Variants in SDK1 observed in about 807,000 individuals in gnomAD.
The protein encoded by SDK1 is protein sidekick-1.
SDK1 carries 157 observed loss-of-function variants against 245.5 expected under a neutral mutation model. The observed-to-expected ratio is 0.64, with a 90% CI of 0.56 to 0.73. The LOEUF is 0.73. SDK1 is among the 30% of genes least tolerant of loss of function. The pLI, the probability that SDK1 is intolerant of heterozygous loss-of-function variation, is 0.00. For synonymous variants in SDK1, 1,647 were observed against 1,278.5 expected (o/e 1.29, Z -6.15); for missense variants, 3,583 against 3,002.3 (o/e 1.19, Z -4.52).
At chr7:3,331,146 C>T (rs1025046897) in intron 1 of SDK1, among the ~76,000 whole-genome samples, 30 of 152,064 alleles carry the variant, frequency 2.0e-4, no homozygotes, top group African/African-American at 7.2e-4. Flanking sequence ...CGCCTGTAAT[C>T]CTAGCTACTT....
chr7:4,031,780 A>T (rs1479562858), intron 17 of SDK1, among the ~76,000 whole-genome samples: 3 of 152,042 alleles, frequency 2.0e-5, no homozygotes, highest in African/African-American at 7.2e-5. Flanking sequence ...TTTCCCCAGC[A>T]CTTTGGGAGG....
Position 3,844,581 on chromosome 7 carries a change from G to A in SDK1, c.847+22998G>A, listed in dbSNP as rs146097680. 3.9e-5 allele frequency among the ~76,000 whole-genome samples: 6 copies of A among 152,338 alleles called. No individual in the cohort carries two copies. In the East Asian group the frequency reaches 1.2e-3, roughly 29 times the overall value. Reference sequence around the variant, plus strand: ...AATTTAATGTCTTTTCCAACAGGGAGCTATGAAACTGAATTTTACTACACC... The same window carrying A: ...AATTTAATGTCTTTTCCAACAGGGAACTATGAAACTGAATTTTACTACACC... On this transcript the variant is annotated intron_variant, in intron 5 of 44. Coordinates refer to ENST00000404826, the MANE Select transcript of SDK1 (RefSeq NM_152744.4).
intron 22 of SDK1, among the ~76,000 whole-genome samples, chr7:4,106,810 C>G (rs563793132): frequency 6.6e-6 from 1 of 151,976 alleles, no homozygotes; most frequent in Non-Finnish European, 1.5e-5. Context: ...GGGGGTGGAA[C>G]AGCCCTGAAT....
At chr7:4,000,008 C>T (rs1784956501) in intron 14 of SDK1, among the ~76,000 whole-genome samples, 1 of 152,166 alleles carries the variant, frequency 6.6e-6, no homozygotes, top group Non-Finnish European at 1.5e-5. Context: ...CAAGATTAAC[C>T]TGGCAGTGGC....
At chr7:3,940,706 A>T (rs1583594536) in intron 5 of SDK1, among the ~76,000 whole-genome samples, 2 of 152,118 alleles carry the variant, frequency 1.3e-5, no homozygotes, top group Non-Finnish European at 2.9e-5. Flanking sequence ...CTGTAATCCC[A>T]GCTACTCCGG....
intron 4 of SDK1, among the ~76,000 whole-genome samples, chr7:3,754,668 C>T (rs779345058): frequency 7.2e-6 from 1 of 139,320 alleles, no homozygotes; most frequent in African/African-American, 2.8e-5. Context: ...GACGTGGTTT[C>T]TAAGTAAGGG....
chr7:4,124,877 T>C (rs1023557202), intron 25 of SDK1, among the ~76,000 whole-genome samples: 2 of 149,622 alleles, frequency 1.3e-5, no homozygotes, highest in African/African-American at 4.9e-5. Flanking sequence ...GGGTGGATGG[T>C]AGATGAATGG....
chr7:3,534,202 A>T (rs565602745), intron 1 of SDK1, among the ~76,000 whole-genome samples: 2 of 152,172 alleles, frequency 1.3e-5, no homozygotes, highest in Non-Finnish European at 2.9e-5. Flanking sequence ...AGTCTCAACC[A>T]TCTTGTCACA....
At chr7:3,580,693 G>C (rs1025292026) in intron 1 of SDK1, among the ~76,000 whole-genome samples, 2 of 152,138 alleles carry the variant, frequency 1.3e-5, no homozygotes, top group East Asian at 3.9e-4. Flanking sequence ...GATGGGCTGG[G>C]CGTGGTGGCT....
At chr7:3,828,664 TTG>T (rs148733740) in intron 5 of SDK1, among the ~76,000 whole-genome samples, 13,804 of 51,494 alleles carry the variant, frequency 0.27, 1,881 homozygotes, top group African/African-American at 0.48. Flanking sequence ...TTTTTTTTTT[TTG>T]TTTTTTTGAC....
Position 4,077,205 on chromosome 7 carries a change from T to C in SDK1, c.3202+16T>C. The C allele has an allele frequency of 6.2e-7, 1 of 1,611,190 alleles. No homozygotes were observed. On this transcript the variant is annotated intron_variant, in intron 21 of 44. Transcript: ENST00000404826. ...GTGCCCCCAGGTCAGTAGAATCGTG[T>C]GCGGTCCTCCTGCTGTCACCTTTCT...
chr7:3,928,703 C>T (rs1040586671), intron 5 of SDK1, among the ~76,000 whole-genome samples: 54 of 152,132 alleles, frequency 3.5e-4, no homozygotes, highest in African/African-American at 1.3e-3. Context: ...CAATAACCAA[C>T]ATCCCCTAAT....
In SDK1 at chr7:4,073,038, G is replaced by C. The variant is rs896877310; in HGVS notation, c.3011-3960G>C. ...ATTGGATGCACTGCTCTCTTCTAGA[G>C]AATTTACTTTAGATCAACAGAAAAT... On this transcript the variant is annotated intron_variant, in intron 20 of 44. Coordinates refer to ENST00000404826, the MANE Select transcript of SDK1 (RefSeq NM_152744.4). Among the ~76,000 whole-genome samples the C allele has an allele frequency of 1.1e-4, 16 of 152,356 alleles. 1 individual carries two copies. In the South Asian group the frequency reaches 1.2e-3, roughly 12 times the overall value.
intron 5 of SDK1, among the ~76,000 whole-genome samples, chr7:3,937,553 A>G (rs540768186): frequency 1.8e-4 from 27 of 152,172 alleles, no homozygotes; most frequent in Non-Finnish European, 3.1e-4. Context: ...CCTCCATTCC[A>G]AGGTTTAAAC....
intron 1 of SDK1, among the ~76,000 whole-genome samples, chr7:3,445,543 T>C (rs947337464): frequency 2.0e-5 from 3 of 152,222 alleles, no homozygotes; most frequent in Non-Finnish European, 4.4e-5. Flanking sequence ...CTTGCAAAGA[T>C]AGTACAGAGA....
At chr7:3,648,101 C>G (rs1477326614) in intron 4 of SDK1, among the ~76,000 whole-genome samples, 5 of 152,128 alleles carry the variant, frequency 3.3e-5, no homozygotes, top group Non-Finnish European at 7.3e-5. Flanking sequence ...ATGAGCTTAG[C>G]TTTGTCATAT....
At chr7:4,194,580 C>T (rs779926145) in intron 35 of SDK1, among the ~76,000 whole-genome samples, 125 of 152,104 alleles carry the variant, frequency 8.2e-4, no homozygotes, top group Non-Finnish European at 1.6e-3. Flanking sequence ...AGATCCAGTC[C>T]GAGCCTCAAA....
At position 4,153,158 on chromosome 7, in the gene SDK1, G is replaced by A. The variant is rs577874261; in HGVS notation, c.4625+3695G>A. On this transcript the variant is annotated intron_variant, in intron 30 of 44. Transcript: ENST00000404826. ...GGTTCCAAACAGAAGACAGAAAGGCGCAGAGGGAATGAGCATGGAAAACAG... is the reference window on the plus strand; with the variant it reads ...GGTTCCAAACAGAAGACAGAAAGGCACAGAGGGAATGAGCATGGAAAACAG... Among the ~76,000 whole-genome samples, 210 of 152,222 alleles carry A rather than the reference G, an allele frequency of 1.4e-3. 1 individual carries two copies. Among genetic ancestry groups the A allele is most frequent in the African/African-American group, 4.9e-3 (202 of 41,526 alleles).
intron 1 of SDK1, among the ~76,000 whole-genome samples, chr7:3,488,033 C>T (rs1394248071): frequency 6.6e-6 from 1 of 152,160 alleles, no homozygotes; most frequent in Non-Finnish European, 1.5e-5. Context: ...TCTTATTAGA[C>T]TAGAGGCTTG....
Sources: allele counts gnomAD v4.1 joint callset (sites outside exome capture counted in the v4.1 genomes callset), GRCh38; gene constraint gnomAD v4.1.1; transcripts MANE v1.5; gene names NCBI Gene and HGNC (gene_info 2026-07-23, HGNC 2026-07-21).